IL1RAPL1: variants seen among roughly 807,000 people sequenced by gnomAD.
IL1RAPL1 encodes the protein interleukin 1 receptor accessory protein like 1.
In IL1RAPL1, 3 loss-of-function variants were observed where a neutral mutation model predicts 48.4. The observed-to-expected ratio is 0.06, with a 90% confidence interval of 0.03 to 0.16. The LOEUF (loss-of-function observed/expected upper bound fraction) is 0.16, where lower values mean the gene tolerates loss of function less well. Among genes scored for constraint, IL1RAPL1 ranks in the 10% least tolerant of loss-of-function variants. The probability of loss-of-function intolerance (pLI) is 1.00; values close to 1 mark genes in which losing one functional copy is unlikely to be tolerated. For missense variants in IL1RAPL1, 349 were observed against 530.6 expected, an observed-to-expected ratio of 0.66 and a Z score of 3.36; for synonymous variants, 185 against 187.7, an observed-to-expected ratio of 0.99 and a Z score of 0.12.
intron 2 of IL1RAPL1, among the ~76,000 whole-genome samples, chrX:29,159,375 C>T (rs1166957800): frequency 9.0e-6 from 1 of 111,524 alleles, no homozygotes; most frequent in Non-Finnish European, 1.9e-5. Context: ...ATTCAGTTTA[C>T]ATGACACTTC....
At chrX:29,112,458 G>A (rs748913348) in intron 2 of IL1RAPL1, among the ~76,000 whole-genome samples, 1 of 100,061 alleles carries the variant, frequency 1.0e-5, no homozygotes, top group East Asian at 3.1e-4. Context: ...AATGGTGTGA[G>A]TGATTTGATT....
chrX:29,803,191 G>GCA (rs1930081859), intron 6 of IL1RAPL1, among the ~76,000 whole-genome samples: 2 of 23,602 alleles, frequency 8.5e-5, no homozygotes, highest in African/African-American at 3.5e-4. Flanking sequence ...ATGTATATAT[G>GCA]TATACATATA....
intron 5 of IL1RAPL1, among the ~76,000 whole-genome samples, chrX:29,624,986 A>G (rs967761189): frequency 8.0e-5 from 9 of 112,242 alleles, no homozygotes; most frequent in Non-Finnish European, 1.5e-4. Context: ...CAGATAGTAC[A>G]TATTTTAGGC....
chrX:28,614,616 G>A (rs1934190722), intron 1 of IL1RAPL1, among the ~76,000 whole-genome samples: 1 of 107,382 alleles, frequency 9.3e-6, no homozygotes, highest in African/African-American at 3.4e-5. Flanking sequence ...TAAAATACTG[G>A]TGATGATGGG....
At chrX:29,033,593 C>G (rs1408789534) in intron 2 of IL1RAPL1, among the ~76,000 whole-genome samples, 4 of 111,108 alleles carry the variant, frequency 3.6e-5, no homozygotes, top group Non-Finnish European at 7.5e-5. Context: ...TTAGAAACCA[C>G]TCAAGACTTT....
intron 6 of IL1RAPL1, among the ~76,000 whole-genome samples, chrX:29,827,570 C>T (rs1466862640): frequency 9.0e-6 from 1 of 111,658 alleles, no homozygotes; most frequent in African/African-American, 3.3e-5. Flanking sequence ...GAAGGCCTCT[C>T]TGATGAGGTG....
intron 1 of IL1RAPL1, among the ~76,000 whole-genome samples, chrX:28,767,154 A>G (rs1422985767): frequency 9.0e-6 from 1 of 111,554 alleles, no homozygotes; most frequent in Non-Finnish European, 1.9e-5. Context: ...TTACATTTCC[A>G]ACAGTGTATA....
chrX:28,782,690 G>T (rs944824090), intron 1 of IL1RAPL1, among the ~76,000 whole-genome samples: 1 of 111,911 alleles, frequency 8.9e-6, no homozygotes, highest in African/African-American at 3.2e-5. Context: ...GTACTCATCT[G>T]TATTGTTTTC....
intron 4 of IL1RAPL1, among the ~76,000 whole-genome samples, chrX:29,398,578 A>G (rs1933948207): frequency 8.9e-6 from 1 of 112,306 alleles, no homozygotes. Context: ...TTCATGGATT[A>G]TAGCATGCAT....
chrX:28,619,607 C>CAA (rs55856491), intron 1 of IL1RAPL1, among the ~76,000 whole-genome samples: 59 of 57,230 alleles, frequency 1.0e-3, no homozygotes, highest in African/African-American at 2.5e-3. Context: ...ACCCCGTCTC[C>CAA]AAAAAAAAAA....
At chrX:29,121,929 G>A (rs371341832) in intron 2 of IL1RAPL1, among the ~76,000 whole-genome samples, 14 of 111,704 alleles carry the variant, frequency 1.3e-4, no homozygotes, top group African/African-American at 4.2e-4. Context: ...TATGCTAGGT[G>A]ATATTTAATA....
intron 2 of IL1RAPL1, among the ~76,000 whole-genome samples, chrX:29,018,038 TG>T (rs1926280652): frequency 9.0e-6 from 1 of 111,687 alleles, no homozygotes. Context: ...TGTAGGATCA[TG>T]GAAATAACTG....
chrX:28,873,777 C>A (rs539914263), intron 2 of IL1RAPL1, among the ~76,000 whole-genome samples: 2 of 108,399 alleles, frequency 1.8e-5, no homozygotes, highest in Non-Finnish European at 3.8e-5. Context: ...GTGATCCGCC[C>A]GCCTTGGCCT....
intron 1 of IL1RAPL1, among the ~76,000 whole-genome samples, chrX:28,639,711 T>C (rs1934511167): frequency 8.9e-6 from 1 of 111,942 alleles, no homozygotes; most frequent in Non-Finnish European, 1.9e-5. Context: ...AAGGGTTCAA[T>C]TTCAGGTGAA....
At chrX:29,898,378 T>TTTGA (rs1932430008) in intron 6 of IL1RAPL1, among the ~76,000 whole-genome samples, 1 of 112,168 alleles carries the variant, frequency 8.9e-6, no homozygotes, top group South Asian at 3.7e-4. Flanking sequence ...CAAGATGGTG[T>TTTGA]TTGATTCAGA....
At chrX:28,960,074 G>GTCAGAAGA (rs1178554342) in intron 2 of IL1RAPL1, among the ~76,000 whole-genome samples, 1 of 111,931 alleles carries the variant, frequency 8.9e-6, no homozygotes, top group African/African-American at 3.2e-5. Context: ...ATTTGCAAAG[G>GTCAGAAGA]TCAGAAGATA....
At chrX:28,910,499 A>G (rs1333347978) in intron 2 of IL1RAPL1, among the ~76,000 whole-genome samples, 3 of 110,421 alleles carry the variant, frequency 2.7e-5, no homozygotes, top group African/African-American at 9.8e-5. Flanking sequence ...AAAGAATTTC[A>G]AGAAGGCTGA....
intron 3 of IL1RAPL1, among the ~76,000 whole-genome samples, chrX:29,286,855 T>C (rs1373349044): frequency 9.0e-6 from 1 of 111,454 alleles, no homozygotes; most frequent in Non-Finnish European, 1.9e-5. Flanking sequence ...GCTAAGTTAT[T>C]TGGCACCCTA....
chrX:29,773,416 C>T (rs185216348), intron 6 of IL1RAPL1, among the ~76,000 whole-genome samples: 113 of 112,319 alleles, frequency 1.0e-3, no homozygotes, highest in African/African-American at 3.6e-3. Context: ...TAGTGAGGAT[C>T]TTTTATCTGT....
Sources: gnomAD v4.1 joint callset for allele counts (sites outside exome capture counted in the v4.1 genomes callset) on GRCh38, gnomAD v4.1.1 for gene constraint, MANE v1.5 for transcripts, NCBI Gene and HGNC (gene_info 2026-07-23, HGNC 2026-07-21) for gene names.